ZFHX4: variants seen among roughly 807,000 people sequenced by gnomAD.
The protein encoded by ZFHX4 is zinc finger homeobox 4.
A neutral mutation model predicts 267.6 loss-of-function variants in ZFHX4; 56 were observed. The ratio of observed to expected loss-of-function variants is 0.21; its 90% CI spans 0.17 to 0.26. The LOEUF is 0.26. ZFHX4 is among the 10% of genes least tolerant of loss of function. The pLI, the probability that ZFHX4 is intolerant of heterozygous loss-of-function variation, is 1.00. For missense variants in ZFHX4, 4,332 were observed against 4,420.0 expected (o/e 0.98, Z 0.56); for synonymous variants, 1,778 against 1,665.6 (o/e 1.07, Z -1.64).
chr8:76,796,200 A>G (rs1227256699), intron 4 of ZFHX4, among the ~76,000 whole-genome samples: 1 of 152,168 alleles, frequency 6.6e-6, no homozygotes, highest in Non-Finnish European at 1.5e-5. Flanking sequence ...ATGATTTTGA[A>G]AATAGAAATT....
chr8:76,840,027 G>C (rs993756578), intron 5 of ZFHX4, among the ~76,000 whole-genome samples: 1 of 152,086 alleles, frequency 6.6e-6, no homozygotes, highest in African/African-American at 2.4e-5. Context: ...GTGTGTATAA[G>C]TTACCTTTTG....
chr8:76,790,867 A>T (rs891231483), intron 4 of ZFHX4, among the ~76,000 whole-genome samples: 1 of 152,112 alleles, frequency 6.6e-6, no homozygotes, highest in Non-Finnish European at 1.5e-5. Context: ...TTGAGTTTCC[A>T]TCCAGCCTTG....
rs751237648 is a variant in ZFHX4 at position 76,855,411 on chromosome 8, C to T, written c.8490C>T (p.Ser2830=). ...NTEMESTTGS[S]GDVKPALSPK... ...AAATGGAAAGCACCACAGGAAGTTC[C>T]GGAGATGTGAAACCGGCTTTGTCTC... Residue 2830 remains serine (S), a synonymous_variant, in exon 10 of 11, where the codon TCC becomes TCT. Coordinates refer to ENST00000651372, the MANE Select transcript of ZFHX4 (RefSeq NM_024721.5). The T allele has an allele frequency of 3.7e-6, 6 of 1,613,624 alleles. No homozygotes were observed. Among genetic ancestry groups the T allele is most frequent in the East Asian group, 2.2e-5 (1 of 44,810 alleles).
chr8:76,827,981 T>A (rs1811831407), intron 4 of ZFHX4, among the ~76,000 whole-genome samples: 2 of 152,216 alleles, frequency 1.3e-5, no homozygotes, highest in African/African-American at 4.8e-5. Context: ...AAGATGATGT[T>A]GCTTGGTTAC....
chr8:76,818,766 T>C (rs1811569903), intron 4 of ZFHX4, among the ~76,000 whole-genome samples: 1 of 151,766 alleles, frequency 6.6e-6, no homozygotes, highest in African/African-American at 2.4e-5. Flanking sequence ...AAAATAAAAA[T>C]TAAAAAATTA....
chr8:76,800,277 A>G (rs1306847696), intron 4 of ZFHX4, among the ~76,000 whole-genome samples: 1 of 152,170 alleles, frequency 6.6e-6, no homozygotes, highest in Non-Finnish European at 1.5e-5. Context: ...CTGTTTGATA[A>G]GAGAAAACAG....
intron 3 of ZFHX4, among the ~76,000 whole-genome samples, chr8:76,713,751 CAGCGTGCA>C (rs1808492221): frequency 6.6e-6 from 1 of 152,132 alleles, no homozygotes; most frequent in Non-Finnish European, 1.5e-5. Context: ...AAGTCTTTTT[CAGCGTGCA>C]TTTTTTAAAA....
chr8:76,807,615 T>G (rs1316160579), intron 4 of ZFHX4, among the ~76,000 whole-genome samples: 1 of 152,090 alleles, frequency 6.6e-6, no homozygotes, highest in African/African-American at 2.4e-5. Flanking sequence ...GCCACACCTA[T>G]AGTTTTGAAT....
rs200032821 is a variant in ZFHX4, at chr8:76,854,315, C to T, written c.7394C>T (p.Ala2465Val). ...CAACTTATCGGAAGACCTCCCTCGG[C>T]CTCTCAAACACCGGTCCCTTCCAGT... is the stretch of plus-strand genomic sequence containing the variant. ...QPQLIGRPPSASQTPVPSSPL... is the reference protein window; with the variant it reads ...QPQLIGRPPSVSQTPVPSSPL... Residue 2465 changes from alanine (A) to valine (V), a missense_variant, in exon 10 of 11, where the codon GCC becomes GTC. By Grantham distance (64) the Ala-to-Val change is moderately conservative. Transcript: ENST00000651372. The T allele has an allele frequency of 1.6e-5, 26 of 1,613,228 alleles. No individual in the cohort carries two copies. The East Asian group carries it at 5.6e-4, about 35-fold the overall frequency.
chr8:76,806,737 T>A (rs779837141), intron 4 of ZFHX4, among the ~76,000 whole-genome samples: 1 of 152,158 alleles, frequency 6.6e-6, no homozygotes, highest in Non-Finnish European at 1.5e-5. Context: ...CAAGAGTTCT[T>A]AAAGAGAATT....
intron 3 of ZFHX4, among the ~76,000 whole-genome samples, chr8:76,723,431 C>G (rs1033448681): frequency 1.3e-5 from 2 of 151,924 alleles, no homozygotes; most frequent in Non-Finnish European, 2.9e-5. Flanking sequence ...TTACATATGT[C>G]AGGTTGCTTG....
At chr8:76,729,568 A>G (rs1190912926) in intron 3 of ZFHX4, among the ~76,000 whole-genome samples, 1 of 152,092 alleles carries the variant, frequency 6.6e-6, no homozygotes, top group East Asian at 1.9e-4. Context: ...TTGGAAAAGT[A>G]CTCCCATGAG....
In ZFHX4 at chr8:76,705,007, G is replaced by A; in HGVS notation, c.919G>A (p.Asp307Asn). 6.2e-7 allele frequency: 1 copy of A among 1,613,858 alleles called. No homozygotes were observed. The highest frequency in any genetic ancestry group is 1.3e-5 in the African/African-American group (1 of 75,028). ...GCATGATCATCGGATGACCCTCAAT[G>A]ACGAGGAGCAGAAGCTCCTCAGTAA... ...AVHDHRMTLN[D>N]EEQKLLSNKC... The change falls in exon 2 of 11, where the codon GAC becomes AAC. Residue 307 changes from aspartate (D) to asparagine (N), a missense_variant. This residue lies in a region of ZFHX4 where 1,195 missense variants were observed against 1,173.6 expected (regional missense o/e 1.02). Transcript: ENST00000651372.
chr8:76,743,392 T>G (rs891104040), intron 3 of ZFHX4, among the ~76,000 whole-genome samples: 2 of 152,226 alleles, frequency 1.3e-5, no homozygotes, highest in African/African-American at 4.8e-5. Context: ...CTGTTACAGG[T>G]TTCTGCTGAG....
intron 3 of ZFHX4, among the ~76,000 whole-genome samples, chr8:76,712,587 C>G (rs1001204762): frequency 6.6e-6 from 1 of 151,814 alleles, no homozygotes; most frequent in Non-Finnish European, 1.5e-5. Context: ...GTGTGGTACA[C>G]ATTTACATAA....
chr8:76,770,014 G>T (rs550724588), intron 3 of ZFHX4, among the ~76,000 whole-genome samples: 2 of 152,040 alleles, frequency 1.3e-5, no homozygotes, highest in African/African-American at 2.4e-5. Context: ...CCTGGCTTCC[G>T]CAAAACTGAG....
intron 1 of ZFHX4, among the ~76,000 whole-genome samples, chr8:76,703,206 G>A (rs887686691): frequency 6.6e-6 from 1 of 152,120 alleles, no homozygotes; most frequent in African/African-American, 2.4e-5. Context: ...GGGAGATGTC[G>A]ATTGAGGCAG....
intron 3 of ZFHX4, among the ~76,000 whole-genome samples, chr8:76,745,580 G>A (rs1028683375): frequency 1.3e-5 from 2 of 150,990 alleles, no homozygotes; most frequent in South Asian, 4.2e-4. Context: ...TTTTCTAAAA[G>A]ATATATATAT....
In ZFHX4 at chr8:76,688,155, A is replaced by G. The variant is rs1177382986; in HGVS notation, c.-47+6535A>G. The stretch of plus-strand genomic sequence containing the variant: ...ATGCCAGGCTAGCCAAATATTGACT[A>G]TTGGGTATCAGGAATTCCCAGCACT... On this transcript the variant is annotated intron_variant, in intron 1 of 10. Transcript: ENST00000651372. 2.0e-5 allele frequency among the ~76,000 whole-genome samples: 3 copies of G among 152,160 alleles called. No individual in the cohort carries two copies. In the East Asian group the frequency reaches 5.8e-4, roughly 29 times the overall value.
Sources: gnomAD v4.1 joint callset for allele counts (sites outside exome capture counted in the v4.1 genomes callset) on GRCh38, gnomAD v4.1.1 for gene constraint, gnomAD v4.1.1 regional missense constraint, MANE v1.5 for transcripts, NCBI Gene and HGNC (gene_info 2026-07-23, HGNC 2026-07-21) for gene names.